MALRD1: variants seen among roughly 807,000 people sequenced by gnomAD.
MALRD1 encodes MAM and LDL receptor class A domain containing 1.
In MALRD1, 247 loss-of-function variants were observed where a neutral mutation model predicts 242.1. That is an observed-to-expected ratio of 1.02 (90% CI 0.92 to 1.13). The LOEUF (loss-of-function observed/expected upper bound fraction) is 1.13, where lower values mean the gene tolerates loss of function less well. Ranked by LOEUF, MALRD1 falls within the 50% of genes most tolerant of loss-of-function variation. MALRD1 has a pLI of 0.00. For synonymous variants in MALRD1, 995 were observed against 866.6 expected (o/e 1.15, Z -2.60); for missense variants, 2,989 against 2,533.1 (o/e 1.18, Z -3.86).
At chr10:19,350,271 C>CTTTTTTT (rs202204577) in intron 25 of MALRD1, among the ~76,000 whole-genome samples, 15 of 118,478 alleles carry the variant, frequency 1.3e-4, no homozygotes, top group Admixed American at 2.0e-4. Flanking sequence ...TTCTTTTTTT[C>CTTTTTTT]TTTTTTTTTT....
rs1485764294 is a variant in MALRD1, at chr10:19,207,373, T to C, written c.2579-1895T>C. Among the ~76,000 whole-genome samples the C allele has an allele frequency of 3.9e-5, 6 of 152,316 alleles. No individual in the cohort carries two copies. The East Asian group carries it at 1.2e-3, about 29-fold the overall frequency. On this transcript the variant is annotated intron_variant, in intron 17 of 39. Coordinates refer to ENST00000454679, the MANE Select transcript of MALRD1 (RefSeq NM_001142308.3). ...AGATAGAGTTTTCAATTATTGACTA[T>C]GGTAGGCTTCCCCCTTACCTGGGGG...
intron 31 of MALRD1, among the ~76,000 whole-genome samples, chr10:19,514,393 A>G (rs1477872781): frequency 6.6e-6 from 1 of 152,158 alleles, no homozygotes; most frequent in Non-Finnish European, 1.5e-5. Context: ...AGATAAGCCT[A>G]ATTAGTTTTA....
At position 19,077,819 on chromosome 10, in the gene MALRD1, A is replaced by AT; in HGVS notation, c.341-10016dup. ...ACCAGTTGTTTAACCTTGTTAACTG[A>AT]TTTTTACATTAGTTAAGTCTTAGTT... On this transcript the variant is annotated intron_variant, in intron 2 of 39. Transcript: ENST00000454679. Among the ~76,000 whole-genome samples the AT allele has an allele frequency of 1.3e-5, 2 of 151,946 alleles. 1 individual carries two copies. The highest frequency in any genetic ancestry group is 3.9e-4 in the East Asian group (2 of 5,160).
chr10:19,445,529 T>C (rs1834923367), intron 28 of MALRD1, among the ~76,000 whole-genome samples: 1 of 152,234 alleles, frequency 6.6e-6, no homozygotes, highest in South Asian at 2.1e-4. Context: ...GTTTTCCTTC[T>C]AACAGTCAGG....
intron 5 of MALRD1, among the ~76,000 whole-genome samples, chr10:19,114,941 C>G (rs917009516): frequency 2.0e-5 from 3 of 152,086 alleles, no homozygotes; most frequent in African/African-American, 7.2e-5. Context: ...TTAAGTACAC[C>G]AGCCATATTG....
intron 26 of MALRD1, among the ~76,000 whole-genome samples, chr10:19,355,714 T>C (rs1844595781): frequency 6.6e-6 from 1 of 151,086 alleles, no homozygotes; most frequent in Admixed American, 6.6e-5. Flanking sequence ...TATACTCATT[T>C]CTTGGTAAAA....
intron 8 of MALRD1, among the ~76,000 whole-genome samples, chr10:19,128,986 C>CA (rs1023340014): frequency 1.3e-5 from 2 of 152,082 alleles, no homozygotes; most frequent in Admixed American, 6.6e-5. Flanking sequence ...AAACACCCTG[C>CA]TTTTTCTACT....
chr10:19,670,380 C>T (rs1400273300), intron 36 of MALRD1, among the ~76,000 whole-genome samples: 1 of 152,112 alleles, frequency 6.6e-6, no homozygotes, highest in Non-Finnish European at 1.5e-5. Context: ...AGAAAAGACC[C>T]TTTGCCTCCA....
At chr10:19,340,977 A>G (rs879668816) in intron 24 of MALRD1, among the ~76,000 whole-genome samples, 15 of 152,140 alleles carry the variant, frequency 9.9e-5, no homozygotes, top group Admixed American at 3.9e-4. Context: ...TGCTCTCAAT[A>G]ATACAAAAAA....
intron 24 of MALRD1, among the ~76,000 whole-genome samples, chr10:19,338,996 T>C (rs1348847974): frequency 6.6e-6 from 1 of 150,968 alleles, no homozygotes; most frequent in Non-Finnish European, 1.5e-5. Context: ...TATAGTTAGA[T>C]TGAATTAATA....
At chr10:19,367,602 C>G (rs1845161769) in intron 26 of MALRD1, among the ~76,000 whole-genome samples, 1 of 152,002 alleles carries the variant, frequency 6.6e-6, no homozygotes, top group South Asian at 2.1e-4. Flanking sequence ...CTTTGATGTA[C>G]TAACTATTTT....
At chr10:19,401,470 CT>C (rs1846842966) in intron 28 of MALRD1, among the ~76,000 whole-genome samples, 1 of 151,976 alleles carries the variant, frequency 6.6e-6, no homozygotes, top group Admixed American at 6.6e-5. Context: ...TCCAAAACTG[CT>C]TTTTGAATGG....
chr10:19,621,615 G>C (rs1839406419), intron 36 of MALRD1, among the ~76,000 whole-genome samples: 1 of 151,568 alleles, frequency 6.6e-6, no homozygotes, highest in African/African-American at 2.4e-5. Context: ...CATATGATTG[G>C]AGTCCCTAAA....
intron 26 of MALRD1, among the ~76,000 whole-genome samples, chr10:19,375,947 C>G (rs1028962673): frequency 1.3e-5 from 2 of 152,084 alleles, no homozygotes; most frequent in African/African-American, 4.8e-5. Context: ...TGTGGTGAAA[C>G]CATGTCTCTA....
chr10:19,733,460 A>G (rs1319720051), intron 39 of MALRD1, among the ~76,000 whole-genome samples: 2 of 152,152 alleles, frequency 1.3e-5, no homozygotes, highest in Non-Finnish European at 2.9e-5. Flanking sequence ...TCTTGAGGCC[A>G]TCAAACATTC....
intron 26 of MALRD1, among the ~76,000 whole-genome samples, chr10:19,380,908 C>A (rs1253053588): frequency 2.6e-5 from 1 of 38,678 alleles, no homozygotes; most frequent in African/African-American, 1.5e-4. Flanking sequence ...GTAGCAATTT[C>A]TTTTCTTTTT....
Position 19,186,547 on chromosome 10 carries a change from C to T in MALRD1, c.1951+11219C>T, listed in dbSNP as rs533105169. ...TAGTGAAAATACGTGATTCTTCTTC[C>T]GCCGTTGAAAATTCTATTGAGAATA... On this transcript the variant is annotated intron_variant, in intron 14 of 39. Coordinates refer to ENST00000454679, the MANE Select transcript of MALRD1 (RefSeq NM_001142308.3). Among the ~76,000 whole-genome samples, 13 of 152,198 alleles carry T rather than the reference C, an allele frequency of 8.5e-5. No homozygotes were observed. In the South Asian group the frequency reaches 1.7e-3, roughly 19 times the overall value.
chr10:19,331,285 G>A (rs889451661), intron 23 of MALRD1, 84 bp from the exon 24 acceptor site: 10 of 1,100,066 alleles, frequency 9.1e-6, no homozygotes, highest in East Asian at 5.2e-5. Context: ...ACAGATTCAC[G>A]ATTGATGTGC....
intron 32 of MALRD1, among the ~76,000 whole-genome samples, chr10:19,534,243 T>C (rs1202376379): frequency 2.0e-5 from 3 of 152,230 alleles, no homozygotes; most frequent in African/African-American, 4.8e-5. Flanking sequence ...TGATGGATCA[T>C]AGCAGCTGGG....
Sources: gnomAD v4.1 joint callset for allele counts (sites outside exome capture counted in the v4.1 genomes callset) on GRCh38, gnomAD v4.1.1 for gene constraint, MANE v1.5 for transcripts, NCBI Gene and HGNC (gene_info 2026-07-23, HGNC 2026-07-21) for gene names.